CBX7: variants seen among roughly 807,000 people sequenced by gnomAD.
CBX7 encodes chromobox 7.
A neutral mutation model predicts 31.4 loss-of-function variants in CBX7; 14 were observed. The observed-to-expected ratio is 0.45, with a 90% CI of 0.29 to 0.70. CBX7 has a LOEUF of 0.70. Among genes scored for constraint, CBX7 ranks in the 30% least tolerant of loss-of-function variants. The pLI is 0.11. For synonymous variants in CBX7, 159 were observed against 152.6 expected, an observed-to-expected ratio of 1.04 and a Z score of -0.31; for missense variants, 269 against 351.9, an observed-to-expected ratio of 0.76 and a Z score of 1.89.
At chr22:39,150,800 C>T (rs1601568734) in intron 1 of CBX7, among the ~76,000 whole-genome samples, 2 of 152,142 alleles carry the variant, frequency 1.3e-5, no homozygotes, top group East Asian at 1.9e-4. Flanking sequence ...AGTCCAACCC[C>T]ATTGTGAGTG....
intron 2 of CBX7, chr22:39,148,963 G>C (rs1328667966): frequency 6.6e-6 from 1 of 152,522 alleles, no homozygotes. Context: ...GGGTTTCCAG[G>C]ACTCAGTCTC....
intron 3 of CBX7, among the ~76,000 whole-genome samples, chr22:39,139,342 T>A (rs1246495362): frequency 6.6e-6 from 1 of 151,906 alleles, no homozygotes; most frequent in African/African-American, 2.4e-5. Flanking sequence ...CCCAGCAGTT[T>A]GGGAGGCTGA....
chr22:39,141,578 A>AT, intron 2 of CBX7, 142 bp from the exon 3 acceptor site: 1 of 580,842 alleles, frequency 1.7e-6, no homozygotes, highest in Admixed American at 3.2e-5. Context: ...GCAAAACCCC[A>AT]TCTCTACTAA....
At chr22:39,144,276 C>T (rs1274028812) in intron 2 of CBX7, among the ~76,000 whole-genome samples, 2 of 152,240 alleles carry the variant, frequency 1.3e-5, no homozygotes, top group Non-Finnish European at 2.9e-5. Flanking sequence ...CCATGTGCCC[C>T]CTGCCAGCCG....
At chr22:39,144,234 G>A (rs1406020169) in intron 2 of CBX7, among the ~76,000 whole-genome samples, 3 of 152,162 alleles carry the variant, frequency 2.0e-5, no homozygotes, top group Non-Finnish European at 4.4e-5. Flanking sequence ...CTATGGGCTC[G>A]CAGTGAAGCC....
intron 2 of CBX7, among the ~76,000 whole-genome samples, chr22:39,145,554 G>A (rs1037452996): frequency 2.0e-4 from 31 of 152,126 alleles, no homozygotes; most frequent in Admixed American, 1.5e-3. Context: ...CGCGGACCGC[G>A]GCGTGGACAC....
intron 3 of CBX7, 84 bp from the exon 4 acceptor site, chr22:39,138,786 T>C: frequency 7.8e-7 from 1 of 1,282,406 alleles, no homozygotes; most frequent in Non-Finnish European, 1.1e-6. Context: ...GCCCGCCCTC[T>C]GCTGTCTGTC....
intron 2 of CBX7, chr22:39,147,014 C>T (rs1223054175): frequency 6.6e-6 from 1 of 150,960 alleles, no homozygotes; most frequent in Non-Finnish European, 1.5e-5. Flanking sequence ...CCCTCTGCCA[C>T]ACTTGTTTGC....
chr22:39,150,008 C>G (rs976520522), intron 1 of CBX7, among the ~76,000 whole-genome samples, 176 bp from the exon 2 acceptor site: 1 of 152,124 alleles, frequency 6.6e-6, no homozygotes, highest in Non-Finnish European at 1.5e-5. Context: ...CCCATATAAC[C>G]GCGACTGCTG....
intron 2 of CBX7, among the ~76,000 whole-genome samples, chr22:39,143,336 T>G (rs1930526677): frequency 6.6e-6 from 1 of 151,858 alleles, no homozygotes; most frequent in Non-Finnish European, 1.5e-5. Flanking sequence ...CTTTTTTAAA[T>G]AGAAGAAAGC....
intron 5 of CBX7, 139 bp downstream of exon 5, chr22:39,134,262 G>A (rs2146349920): frequency 1.1e-6 from 1 of 875,800 alleles, no homozygotes; most frequent in East Asian, 2.7e-5. Flanking sequence ...GGAGCCCTGG[G>A]CTAGTGTTGG....
At chr22:39,147,086 C>CTTTTTTTTTTTTTTT (rs34901545) in intron 2 of CBX7, 1 of 62,332 alleles carries the variant, frequency 1.6e-5, no homozygotes, top group African/African-American at 7.7e-5. Flanking sequence ...AAAGTGTCCA[C>CTTTTTTTTTTTTTTT]TTTTTTTTTT....
chr22:39,138,751 T>TAAGGG, intron 3 of CBX7, 49 bp from the exon 4 acceptor site: 4 of 1,566,758 alleles, frequency 2.6e-6, no homozygotes, highest in Non-Finnish European at 3.5e-6. Flanking sequence ...TGGTGACATC[T>TAAGGG]AAGGGAAGGG....
At chr22:39,147,716 C>T (rs1930711126) in intron 2 of CBX7, 1 of 152,244 alleles carries the variant, frequency 6.6e-6, no homozygotes, top group Non-Finnish European at 1.5e-5. Context: ...GAAGTGGGCA[C>T]CACAGTGCAT....
chr22:39,152,599 T>C lies in CBX7; in HGVS notation c.-155A>G. 2 of 154,994 alleles carry C rather than the reference T, an allele frequency of 1.3e-5. No homozygotes were observed. The highest frequency in any genetic ancestry group is 2.8e-5 in the Non-Finnish European group (2 of 72,472). 9.6% of individuals were successfully genotyped at this position (154,994 alleles called of 1,614,324 possible). On this transcript the variant is annotated 5_prime_UTR_variant, in exon 1 of 6. Transcript: ENST00000216133. This position sits in a 1 kb window ranked among gnomAD's most constrained non-coding sequence, Gnocchi z 4.9. ...CGCACGCGCGCACACCCCCTCGCGC[T>C]CCCTCACGCCGCCGACGTTCCATTT...
Position 39,133,705 on chromosome 22 carries a change from G to C in CBX7, c.*186C>G. The C allele has an allele frequency of 1.8e-6, 1 of 556,706 alleles. No individual in the cohort carries two copies. The highest frequency in any genetic ancestry group is 3.0e-6 in the Non-Finnish European group (1 of 332,892). The allele number at this position is 556,706 out of a possible 1,614,324, so 34.5% of individuals were successfully genotyped here. A position where few individuals can be genotyped will look rare whatever the true frequency, so the allele number is the denominator to read the frequency against. On this transcript the variant is annotated 3_prime_UTR_variant, in exon 6 of 6. Coordinates refer to ENST00000216133, the MANE Select transcript of CBX7 (RefSeq NM_175709.5). ...GAGCAACTCTCTCCATCCCCAGCCTGAGGCCTCGTGGTAAACGTCCCTCAG... is the reference window on the plus strand; with the variant it reads ...GAGCAACTCTCTCCATCCCCAGCCTCAGGCCTCGTGGTAAACGTCCCTCAG...
At chr22:39,138,182 C>CAA (rs1185254645) in intron 4 of CBX7, among the ~76,000 whole-genome samples, 15 of 58,956 alleles carry the variant, frequency 2.5e-4, no homozygotes, top group Admixed American at 5.5e-4. Flanking sequence ...GACTCCGTCT[C>CAA]AAAAAAAAAA....
At chr22:39,137,386 T>A (rs1167877181) in intron 4 of CBX7, among the ~76,000 whole-genome samples, 1 of 152,010 alleles carries the variant, frequency 6.6e-6, no homozygotes, top group Admixed American at 6.6e-5. Context: ...TTCACTCTTA[T>A]CACCCAGGCT....
At chr22:39,141,350 G>A (rs1485974063) in intron 3 of CBX7, 21 bp downstream of exon 3, 4 of 1,604,044 alleles carry the variant, frequency 2.5e-6, no homozygotes, top group East Asian at 4.5e-5. Context: ...GCCCCACCCG[G>A]CGGTGCCGAG....
Sources: gnomAD v4.1 joint callset for allele counts (sites outside exome capture counted in the v4.1 genomes callset) on GRCh38, gnomAD v4.1.1 for gene constraint, Gnocchi (gnomAD v3.1) non-coding constraint, MANE v1.5 for transcripts, NCBI Gene and HGNC (gene_info 2026-07-23, HGNC 2026-07-21) for gene names.